Variants in SEPTIN9 observed in about 807,000 individuals in gnomAD.
SEPTIN9 encodes septin-9.
SEPTIN9 carries 13 observed loss-of-function variants against 56.6 expected under a neutral mutation model. The observed-to-expected ratio is 0.23, with a 90% confidence interval of 0.15 to 0.37. SEPTIN9 has a LOEUF of 0.37. Among genes scored for constraint, SEPTIN9 ranks in the 10% least tolerant of loss-of-function variants. The probability of loss-of-function intolerance (pLI) is 1.00; values close to 1 mark genes in which losing one functional copy is unlikely to be tolerated. For missense variants in SEPTIN9, 650 were observed against 823.1 expected (o/e 0.79, Z 2.57); for synonymous variants, 332 against 334.1 (o/e 0.99, Z 0.07).
intron 2 of SEPTIN9, among the ~76,000 whole-genome samples, chr17:77,364,195 G>GCGCTTCCTGTCTGCCTCCCA (rs2034503240): frequency 6.6e-6 from 1 of 152,198 alleles, no homozygotes; most frequent in African/African-American, 2.4e-5. Flanking sequence ...AGCGCACCCC[G>GCGCTTCCTGTCTGCCTCCCA]CGCTTCCTGT....
In SEPTIN9 at chr17:77,329,713, G is replaced by A. The variant is rs970957669; in HGVS notation, c.76+22516G>A. On this transcript the variant is annotated intron_variant, in intron 2 of 11. Transcript: ENST00000427177. The surrounding 1 kb of genome is among the most constrained non-coding windows in gnomAD (Gnocchi z 4.3). ...GGAACCCTGGTGCCTGGTGCCTGAG[G>A]ACTGCTGTCCACCGTCCCACCATCC... Among the ~76,000 whole-genome samples the A allele has an allele frequency of 5.3e-5, 8 of 152,154 alleles. No homozygotes were observed. The highest frequency in any genetic ancestry group is 1.9e-4 in the African/African-American group (8 of 41,428).
chr17:77,333,221 G>A (rs2033427950), intron 2 of SEPTIN9, among the ~76,000 whole-genome samples: 1 of 152,184 alleles, frequency 6.6e-6, no homozygotes, highest in African/African-American at 2.4e-5. Context: ...GACTAATGCG[G>A]TTGAGCACAT....
At chr17:77,351,840 A>T (rs998779201) in intron 2 of SEPTIN9, among the ~76,000 whole-genome samples, 2 of 152,230 alleles carry the variant, frequency 1.3e-5, no homozygotes, top group Non-Finnish European at 2.9e-5. Flanking sequence ...CCAAGTGTGA[A>T]CAGGAGAGAG....
intron 1 of SEPTIN9, among the ~76,000 whole-genome samples, chr17:77,297,175 G>A (rs78562855): frequency 0.011 from 1,636 of 152,260 alleles, 27 homozygotes; most frequent in South Asian, 0.056. Context: ...AGCCAGTATC[G>A]TGGCTCAGTC....
intron 10 of SEPTIN9, 62 bp downstream of exon 10, chr17:77,493,138 G>A: frequency 7.6e-7 from 1 of 1,307,346 alleles, no homozygotes; most frequent in East Asian, 2.5e-5. Context: ...TGCTGACCCA[G>A]AGCCTGTGGG....
rs2037305971 is a variant in SEPTIN9 at position 77,435,544 on chromosome 17, T to C, written c.721+32841T>C. 6.6e-6 allele frequency among the ~76,000 whole-genome samples: 1 copy of C among 152,050 alleles called. No individual in the cohort carries two copies. The highest frequency in any genetic ancestry group is 1.5e-5 in the Non-Finnish European group (1 of 67,990). On this transcript the variant is annotated intron_variant, in intron 3 of 11. Coordinates refer to ENST00000427177, the MANE Select transcript of SEPTIN9 (RefSeq NM_001113491.2). This position sits in a 1 kb window ranked among gnomAD's most constrained non-coding sequence, Gnocchi z 4.5. ...GCCCTACACCTGATTGGCAGCAGAG[T>C]GGCCCCTCCTTGGTGTGGTCTGGAG...
At chr17:77,482,636 G>T in intron 4 of SEPTIN9, 1 of 626,008 alleles carries the variant, frequency 1.6e-6, no homozygotes, top group Non-Finnish European at 2.9e-6. Context: ...GAGCAATGAC[G>T]TCAGCTTGTG....
At chr17:77,491,440 C>T (rs2040023696) in intron 8 of SEPTIN9, among the ~76,000 whole-genome samples, 1 of 151,844 alleles carries the variant, frequency 6.6e-6, no homozygotes. Context: ...TCAAGGGATC[C>T]TCCTGCCTCA....
intron 3 of SEPTIN9, among the ~76,000 whole-genome samples, chr17:77,463,530 G>GT (rs1170306512): frequency 2.0e-5 from 3 of 151,940 alleles, no homozygotes; most frequent in Non-Finnish European, 4.4e-5. Context: ...TTTAGTAGTG[G>GT]TATTTCCTTT....
rs748611102 is a variant in SEPTIN9, at chr17:77,498,606, G to A, written c.1709G>A (p.Ser570Asn). 1 of 1,610,452 alleles carries A rather than the reference G, an allele frequency of 6.2e-7. No individual in the cohort carries two copies. Among genetic ancestry groups the A allele is most frequent in the Non-Finnish European group, 8.5e-7 (1 of 1,178,906 alleles). ...YRVKRLNEGSSAMANGMEEKE... is the reference protein window; with the variant it reads ...YRVKRLNEGSNAMANGMEEKE... ...GTGAAGCGCCTCAACGAGGGCAGCAGCGCCATGGCCAACGGCATGGAGGAG... is the reference window on the plus strand; with the variant it reads ...GTGAAGCGCCTCAACGAGGGCAGCAACGCCATGGCCAACGGCATGGAGGAG... Residue 570 changes from serine (S) to asparagine (N), a missense_variant, in exon 12 of 12, where the codon AGC becomes AAC. Ser to Asn is a conservative substitution (Grantham distance 46). Transcript: ENST00000427177.
Position 77,479,445 on chromosome 17 carries a change from G to A in SEPTIN9, c.722-2699G>A, listed in dbSNP as rs1272428136. 5.3e-5 allele frequency among the ~76,000 whole-genome samples: 8 copies of A among 152,236 alleles called. No homozygotes were observed. The South Asian group carries it at 1.0e-3, about 20-fold the overall frequency. Reference sequence around the variant, plus strand: ...GCTCTCTGCGTGCGTGCCTGCCTGCGGGCCAGCCGGGGCCTGCAAGGCCGC... The same window carrying A: ...GCTCTCTGCGTGCGTGCCTGCCTGCAGGCCAGCCGGGGCCTGCAAGGCCGC... On this transcript the variant is annotated intron_variant, in intron 3 of 11. Coordinates refer to ENST00000427177, the MANE Select transcript of SEPTIN9 (RefSeq NM_001113491.2).
intron 3 of SEPTIN9, among the ~76,000 whole-genome samples, chr17:77,477,463 C>T (rs548320265): frequency 2.6e-5 from 4 of 152,340 alleles, no homozygotes; most frequent in East Asian, 3.9e-4. Flanking sequence ...TGTTGGCGCA[C>T]GCTCGTGCCT....
In SEPTIN9 at chr17:77,499,232, G is replaced by A. The variant is rs758918178; in HGVS notation, c.*574G>A. 14 of 586,084 alleles carry A rather than the reference G, an allele frequency of 2.4e-5. No homozygotes were observed. The highest frequency in any genetic ancestry group is 2.1e-4 in the East Asian group (6 of 28,848). 36.3% of individuals were successfully genotyped at this position (586,084 alleles called of 1,614,324 possible). On this transcript the variant is annotated 3_prime_UTR_variant, in exon 12 of 12. Coordinates refer to ENST00000427177, the MANE Select transcript of SEPTIN9 (RefSeq NM_001113491.2). ...GAAAACTCCAGGGTCCCCTGCCACCGACTGCCCAGCCACTCCAAGCCCCCT... is the reference window on the plus strand; with the variant it reads ...GAAAACTCCAGGGTCCCCTGCCACCAACTGCCCAGCCACTCCAAGCCCCCT...
At chr17:77,486,519 TGTGCGCGCACGC>T (rs201480918) in intron 4 of SEPTIN9, among the ~76,000 whole-genome samples, 9,880 of 106,370 alleles carry the variant, frequency 0.093, 583 homozygotes, top group East Asian at 0.36. Context: ...TGTGTGTGTG[TGTGCGCGCACGC>T]GCGCGCGTGT....
intron 3 of SEPTIN9, among the ~76,000 whole-genome samples, chr17:77,406,305 A>G (rs1375450223): frequency 3.3e-5 from 5 of 151,680 alleles, no homozygotes; most frequent in Non-Finnish European, 2.9e-5. Flanking sequence ...CTTTGCCCTG[A>G]CCTCCTGAAC....
intron 8 of SEPTIN9, among the ~76,000 whole-genome samples, chr17:77,491,469 G>T (rs1006691523): frequency 6.6e-5 from 10 of 151,406 alleles, no homozygotes; most frequent in Admixed American, 2.6e-4. Context: ...AAGTGCTGGG[G>T]TTACAGGCAT....
intron 3 of SEPTIN9, among the ~76,000 whole-genome samples, chr17:77,407,289 A>AAAAAG: frequency 6.7e-6 from 1 of 149,736 alleles, no homozygotes; most frequent in Non-Finnish European, 1.5e-5. Context: ...TCTCAAAAAA[A>AAAAAG]AAAAAAAAAA....
At chr17:77,416,853 C>G (rs1182770790) in intron 3 of SEPTIN9, among the ~76,000 whole-genome samples, 1 of 152,186 alleles carries the variant, frequency 6.6e-6, no homozygotes, top group African/African-American at 2.4e-5. Flanking sequence ...TGCGGGATCC[C>G]AACCTCGAGC....
At position 77,389,797 on chromosome 17, in the gene SEPTIN9, A is replaced by G. The variant is rs992393414; in HGVS notation, c.77-12262A>G. On this transcript the variant is annotated intron_variant, in intron 2 of 11. Coordinates refer to ENST00000427177, the MANE Select transcript of SEPTIN9 (RefSeq NM_001113491.2). This position sits in a 1 kb window ranked among gnomAD's most constrained non-coding sequence, Gnocchi z 4.3. The stretch of plus-strand genomic sequence containing the variant: ...ATCTCTTCCCCTGCGGCTTCCGCCC[A>G]TTTCCCCTCAATCTGCTCCTAGTGG... 2.7e-5 allele frequency among the ~76,000 whole-genome samples: 4 copies of G among 150,018 alleles called. No individual in the cohort carries two copies. The highest frequency in any genetic ancestry group is 4.4e-5 in the Non-Finnish European group (3 of 67,496).
Sources: gnomAD v4.1 joint callset for allele counts (sites outside exome capture counted in the v4.1 genomes callset) on GRCh38, gnomAD v4.1.1 for gene constraint, Gnocchi (gnomAD v3.1) non-coding constraint, MANE v1.5 for transcripts, NCBI Gene and HGNC (gene_info 2026-07-23, HGNC 2026-07-21) for gene names.